The following ZNF131 variants were observed in gnomAD, a reference collection of about 807,000 sequenced individuals.
ZNF131 encodes zinc finger and BTB domain containing 35, also known as zinc finger protein 131.
In ZNF131, 7 loss-of-function variants were observed where a neutral mutation model predicts 60.0. The observed-to-expected ratio is 0.12, with a 90% CI of 0.07 to 0.22. ZNF131 has a LOEUF of 0.22. Among genes scored for constraint, ZNF131 ranks in the 10% least tolerant of loss-of-function variants. The pLI is 1.00. For synonymous variants in ZNF131, 257 were observed against 253.2 expected (o/e 1.01, Z -0.14); for missense variants, 493 against 740.9 (o/e 0.67, Z 3.88).
At chr5:43,153,004 CTT>C in intron 4 of ZNF131, among the ~76,000 whole-genome samples, 1 of 152,296 alleles carries the variant, frequency 6.6e-6, no homozygotes, top group South Asian at 2.1e-4. Flanking sequence ...TCCTTCACCT[CTT>C]TTCCAGTCAT....
intron 4 of ZNF131, among the ~76,000 whole-genome samples, chr5:43,146,264 G>C (rs1473343870): frequency 2.6e-5 from 4 of 152,166 alleles, no homozygotes; most frequent in Non-Finnish European, 5.9e-5. Context: ...ACCTCATTTT[G>C]CTTTGCTGAC....
At chr5:43,121,253 C>G (rs147425846) in intron 1 of ZNF131, 130 bp downstream of exon 1, 17 of 152,842 alleles carry the variant, frequency 1.1e-4, no homozygotes, top group African/African-American at 4.1e-4. Context: ...AAGTGTCCGC[C>G]CCTGGAGTCA....
intron 3 of ZNF131, among the ~76,000 whole-genome samples, chr5:43,130,667 C>T (rs143192657): frequency 0.062 from 9,339 of 151,002 alleles, 569 homozygotes; most frequent in African/African-American, 0.16. Context: ...CGGGTTCAAG[C>T]GATTCTCTTG....
At position 43,160,189 on chromosome 5, in the gene ZNF131, A is replaced by AAAC. The variant is rs145017060; in HGVS notation, c.372-1058_372-1057insCAA. ...AGACTCCATCTCAAAAAAACAAAAC[A>AAAC]AAAAAAAAAACAAAAAAAGAAGAAA... On this transcript the variant is annotated intron_variant, in intron 4 of 6. Transcript: ENST00000682664. 1.7e-4 allele frequency among the ~76,000 whole-genome samples: 15 copies of AAAC among 88,570 alleles called. 1 individual carries two copies. The highest frequency in any genetic ancestry group is 8.5e-3 in the Middle Eastern group (1 of 118). The allele number at this position is 88,570 out of a possible 152,430, so 58.1% of individuals were successfully genotyped here.
intron 4 of ZNF131, among the ~76,000 whole-genome samples, chr5:43,150,612 G>C (rs1748181147): frequency 6.6e-6 from 1 of 151,944 alleles, no homozygotes; most frequent in Non-Finnish European, 1.5e-5. Context: ...TAACGTGGTG[G>C]AACCCCATTT....
Position 43,161,801 on chromosome 5 carries a change from T to C in ZNF131, c.924T>C (p.Asn308=), listed in dbSNP as rs745577914. The C allele has an allele frequency of 1.2e-5, 19 of 1,614,034 alleles. 1 individual carries two copies. In the South Asian group the frequency reaches 2.1e-4, roughly 18 times the overall value. ...AGAGCGCATGGAAACAGCACCTAAA[T>C]TGTTACCACCTTGAAGAAGGTGGAG... The part of the protein sequence containing the change: ...LRESAWKQHL[N]CYHLEEGGVS... The change falls in exon 5 of 7, where the codon AAT becomes AAC. Residue 308 remains asparagine (N), a synonymous_variant. Transcript: ENST00000682664.
chr5:43,157,798 G>A (rs1396673024), intron 4 of ZNF131, among the ~76,000 whole-genome samples: 1 of 152,124 alleles, frequency 6.6e-6, no homozygotes, highest in Non-Finnish European at 1.5e-5. Flanking sequence ...TGCCTCTTCT[G>A]GCTTCTGGCG....
At chr5:43,150,176 A>G (rs147211839) in intron 4 of ZNF131, among the ~76,000 whole-genome samples, 1 of 152,312 alleles carries the variant, frequency 6.6e-6, no homozygotes, top group Non-Finnish European at 1.5e-5. Flanking sequence ...CAAATCTTCT[A>G]TAATGAGCTG....
intron 3 of ZNF131, among the ~76,000 whole-genome samples, chr5:43,125,624 T>C (rs940316078): frequency 1.5e-4 from 22 of 151,460 alleles, no homozygotes; most frequent in African/African-American, 5.1e-4. Flanking sequence ...CTACTAAAAA[T>C]ATAAAATTAG....
intron 3 of ZNF131, among the ~76,000 whole-genome samples, chr5:43,134,786 C>T (rs537053081): frequency 1.8e-4 from 27 of 147,680 alleles, no homozygotes; most frequent in East Asian, 7.9e-4. Flanking sequence ...CTGCAACCTC[C>T]GCCTCCTGGG....
At chr5:43,138,904 G>A (rs906830254) in intron 3 of ZNF131, among the ~76,000 whole-genome samples, 2 of 152,126 alleles carry the variant, frequency 1.3e-5, no homozygotes, top group Admixed American at 6.5e-5. Flanking sequence ...ACATGTAATA[G>A]CCAATTCATA....
rs145346530 is a variant in ZNF131 at position 43,175,226 on chromosome 5, G to T, written c.*93G>T. Reference sequence around the variant, plus strand: ...GTCCTTAATTAAGCCTAACAGACAAGTGGACCAAAGTTAAGCTGTTTCCTG... The same window carrying T: ...GTCCTTAATTAAGCCTAACAGACAATTGGACCAAAGTTAAGCTGTTTCCTG... On this transcript the variant is annotated 3_prime_UTR_variant, in exon 7 of 7. Transcript: ENST00000682664. The T allele has an allele frequency of 7.9e-7, 1 of 1,260,852 alleles. No individual in the cohort carries two copies. Among genetic ancestry groups the T allele is most frequent in the Non-Finnish European group, 1.1e-6 (1 of 926,886 alleles). The allele number at this position is 1,260,852 out of a possible 1,614,324, so 78.1% of individuals were successfully genotyped here. A position where few individuals can be genotyped will look rare whatever the true frequency, so the allele number is the denominator to read the frequency against.
rs202064247 is a variant in ZNF131 at position 43,161,306 on chromosome 5, A to T, written c.429A>T (p.Lys143Asn). The T allele has an allele frequency of 1.9e-6, 3 of 1,613,554 alleles. No individual in the cohort carries two copies. The highest frequency in any genetic ancestry group is 2.5e-6 in the Non-Finnish European group (3 of 1,179,906). The change falls in exon 5 of 7, where the codon AAA becomes AAT. Residue 143 changes from lysine (K) to asparagine (N), a missense_variant. Around this residue, in one of 7 missense-constraint regions of ZNF131, gnomAD observed 138 missense variants for 158.7 expected, o/e 0.87. Transcript: ENST00000682664. ...ATACCACAGGAAAAAATGAGGCCAA[A>T]AAAAGGAAGATTGCAGAAACTTCAA... ...EENTTGKNEA[K>N]KRKIAETSNV...
chr5:43,149,806 T>C (rs1326621999), intron 4 of ZNF131, among the ~76,000 whole-genome samples: 1 of 152,032 alleles, frequency 6.6e-6, no homozygotes, highest in Non-Finnish European at 1.5e-5. Flanking sequence ...TAATCGGCTT[T>C]TTTGCCATCT....
intron 4 of ZNF131, among the ~76,000 whole-genome samples, chr5:43,142,665 T>G (rs980434593): frequency 7.9e-6 from 1 of 125,976 alleles, no homozygotes; most frequent in African/African-American, 2.8e-5. Context: ...CCCACCCCCA[T>G]TCTGTCTCTC....
intron 5 of ZNF131, among the ~76,000 whole-genome samples, chr5:43,170,518 C>T (rs1750848116): frequency 6.6e-6 from 1 of 152,164 alleles, no homozygotes; most frequent in African/African-American, 2.4e-5. Flanking sequence ...TCCCTTTTTC[C>T]TAATTGCTAT....
At chr5:43,143,439 G>A (rs1747122132) in intron 4 of ZNF131, 16 of 1,418,476 alleles carry the variant, frequency 1.1e-5, no homozygotes, top group Non-Finnish European at 1.5e-5. Flanking sequence ...ACTGTTGCAA[G>A]TTTATCATCT....
At chr5:43,173,485 G>T (rs1241335511) in intron 6 of ZNF131, 37 bp downstream of exon 6, 1 of 1,593,412 alleles carries the variant, frequency 6.3e-7, no homozygotes, top group Admixed American at 1.7e-5. Context: ...CTTAACAAAG[G>T]AGTCTTGTGT....
At chr5:43,141,288 A>G (rs544339225) in intron 4 of ZNF131, among the ~76,000 whole-genome samples, 3 of 152,306 alleles carry the variant, frequency 2.0e-5, no homozygotes, top group Admixed American at 2.0e-4. Context: ...CAAAATAGAG[A>G]TGCATTCTGA....
Sources: allele counts gnomAD v4.1 joint callset (sites outside exome capture counted in the v4.1 genomes callset), GRCh38; gene constraint gnomAD v4.1.1; regional missense constraint gnomAD v4.1.1; transcripts MANE v1.5; gene names NCBI Gene and HGNC (gene_info 2026-07-23, HGNC 2026-07-21).